The following TMEM41B variants were observed in gnomAD, a reference collection of about 807,000 sequenced individuals.
The protein encoded by TMEM41B is transmembrane protein 41B.
Under a neutral mutation model 31.9 loss-of-function variants are expected in TMEM41B, and 18 were observed. The ratio of observed to expected loss-of-function variants is 0.56; its 90% CI spans 0.39 to 0.84. The LOEUF is 0.84. Among genes scored for constraint, TMEM41B ranks in the 40% least tolerant of loss-of-function variants. The probability of loss-of-function intolerance (pLI) is 0.00; values close to 1 mark genes in which losing one functional copy is unlikely to be tolerated. For synonymous variants in TMEM41B, 144 were observed against 124.3 expected, an observed-to-expected ratio of 1.16 and a Z score of -1.05; for missense variants, 322 against 348.0, an observed-to-expected ratio of 0.93 and a Z score of 0.59.
At chr11:9,308,811 T>TAATCAGTG (rs1190110400) in intron 1 of TMEM41B, among the ~76,000 whole-genome samples, 3 of 152,190 alleles carry the variant, frequency 2.0e-5, no homozygotes, top group African/African-American at 7.2e-5. Context: ...TGAGGCAATC[T>TAATCAGTG]AATCAGTGAA....
chr11:9,288,302 C>T (rs1299463946), intron 4 of TMEM41B, 140 bp downstream of exon 4: 4 of 593,344 alleles, frequency 6.7e-6, no homozygotes, highest in Admixed American at 3.7e-5. Flanking sequence ...TATAACACCT[C>T]CTTGTGGAGG....
intron 3 of TMEM41B, among the ~76,000 whole-genome samples, chr11:9,290,488 A>G (rs1010185745): frequency 6.6e-6 from 1 of 152,180 alleles, no homozygotes; most frequent in African/African-American, 2.4e-5. Context: ...AACGTGGCAC[A>G]CATATACGTA....
chr11:9,311,988 A>G (rs993936520), intron 1 of TMEM41B, among the ~76,000 whole-genome samples: 9 of 152,226 alleles, frequency 5.9e-5, no homozygotes, highest in African/African-American at 1.7e-4. Flanking sequence ...TCAAAGTTAT[A>G]TATGTGTCAC....
At position 9,283,353 on chromosome 11, in the gene TMEM41B, A is replaced by C; in HGVS notation, c.*71T>G. On this transcript the variant is annotated 3_prime_UTR_variant, in exon 7 of 7. Transcript: ENST00000528080. Reference sequence around the variant, plus strand: ...TTTAATTACTGAAGAGGTGATTTTAAAACATAAATGGATGCACCTGTTAAT... The same window carrying C: ...TTTAATTACTGAAGAGGTGATTTTACAACATAAATGGATGCACCTGTTAAT... 8.0e-7 allele frequency: 1 copy of C among 1,255,120 alleles called. No homozygotes were observed. The highest frequency in any genetic ancestry group is 1.1e-6 in the Non-Finnish European group (1 of 908,824). 77.7% of individuals were successfully genotyped at this position (1,255,120 alleles called of 1,614,324 possible).
chr11:9,295,362 G>A lies in TMEM41B; in HGVS notation c.265C>T (p.Pro89Ser). The change falls in exon 3 of 7, where the codon CCC becomes TCC. Residue 89 changes from proline to serine, a missense_variant. This residue lies in a region of TMEM41B where 183 missense variants were observed against 175.3 expected (regional missense o/e 1.04). Coordinates refer to ENST00000528080, the MANE Select transcript of TMEM41B (RefSeq NM_015012.4). Reference sequence around the variant, plus strand: ...GCCTTGGCATCATCCATATCTCTGGGAACCTTCATATTCACTCTTTCTTCT... The same window carrying A: ...GCCTTGGCATCATCCATATCTCTGGAAACCTTCATATTCACTCTTTCTTCT... ...SEEERVNMKV[P>S]RDMDDAKALG... is the part of the protein sequence containing the mutation. The A allele has an allele frequency of 6.3e-7, 1 of 1,589,452 alleles. No homozygotes were observed. The highest frequency in any genetic ancestry group is 8.5e-7 in the Non-Finnish European group (1 of 1,169,688).
intron 1 of TMEM41B, chr11:9,311,244 T>A: frequency 6.7e-7 from 1 of 1,491,296 alleles, no homozygotes. Context: ...AGAGCAGAAC[T>A]GGTGAGACTT....
At chr11:9,291,568 ATTTTT>A (rs1312615801) in intron 3 of TMEM41B, among the ~76,000 whole-genome samples, 1 of 150,672 alleles carries the variant, frequency 6.6e-6, no homozygotes, top group Non-Finnish European at 1.5e-5. Flanking sequence ...CGCCCAGCTA[ATTTTT>A]TTTATTTTTA....
intron 1 of TMEM41B, among the ~76,000 whole-genome samples, chr11:9,301,346 G>C (rs1853253287): frequency 6.6e-6 from 1 of 152,128 alleles, no homozygotes; most frequent in Non-Finnish European, 1.5e-5. Context: ...AGTGAGCCAA[G>C]ATCGCACCAC....
Position 9,287,766 on chromosome 11 carries a change from T to C in TMEM41B, c.503A>G (p.Tyr168Cys), listed in dbSNP as rs1292886388. ...LGASFCYMLS[Y>C]LVGRPVVYKY... ...GTATACAACTGGTCTCCCAACTAAA[T>C]AGGAAAGCATATAACAGAAAGAGGC... Residue 168 changes from tyrosine to cysteine, a missense_variant, in exon 5 of 7, where the codon TAT becomes TGT. Tyr to Cys is a radical substitution (Grantham distance 194). Around this residue, in one of 3 missense-constraint regions of TMEM41B, gnomAD observed 47 missense variants for 84.8 expected, o/e 0.55. Coordinates refer to ENST00000528080, the MANE Select transcript of TMEM41B (RefSeq NM_015012.4). The C allele has an allele frequency of 1.9e-6, 3 of 1,613,576 alleles. No individual in the cohort carries two copies. The highest frequency in any genetic ancestry group is 1.7e-4 in the Middle Eastern group (1 of 6,060).
chr11:9,283,739 T>C, intron 6 of TMEM41B, 146 bp from the exon 7 acceptor site: 1 of 686,722 alleles, frequency 1.5e-6, no homozygotes, highest in Non-Finnish European at 2.3e-6. Flanking sequence ...TCAAGTTTAT[T>C]TCCATATAAA....
intron 3 of TMEM41B, among the ~76,000 whole-genome samples, chr11:9,291,587 C>T (rs778588777): frequency 6.6e-6 from 1 of 151,466 alleles, no homozygotes; most frequent in African/African-American, 2.4e-5. Flanking sequence ...ATTTTTAGTA[C>T]AGACAGGTTT....
chr11:9,310,635 A>C (rs1328178996), intron 1 of TMEM41B, among the ~76,000 whole-genome samples: 1 of 150,634 alleles, frequency 6.6e-6, no homozygotes, highest in East Asian at 2.0e-4. Flanking sequence ...GTCACCTTCA[A>C]ACCGATTAGG....
At chr11:9,287,319 A>G (rs933485044) in intron 5 of TMEM41B, among the ~76,000 whole-genome samples, 1 of 152,182 alleles carries the variant, frequency 6.6e-6, no homozygotes, top group Non-Finnish European at 1.5e-5. Flanking sequence ...TCAAAAAAAG[A>G]AAAGAAAAAA....
rs770489280 is a variant in TMEM41B, at chr11:9,314,305, C to T, written c.121+16G>A. 4 of 1,595,150 alleles carry T rather than the reference C, an allele frequency of 2.5e-6. No homozygotes were observed. In the South Asian group the frequency reaches 4.4e-5, roughly 18 times the overall value. On this transcript the variant is annotated intron_variant, in intron 1 of 6. Transcript: ENST00000528080. ...GCCTCGGGCCACCCCCAGCTCTGCTCCCCGGGCCCACTCACCCTTCTGGTG... is the reference window on the plus strand; with the variant it reads ...GCCTCGGGCCACCCCCAGCTCTGCTTCCCGGGCCCACTCACCCTTCTGGTG...
chr11:9,284,962 T>A lies in TMEM41B; in HGVS notation c.707-1369A>T, dbSNP rs548053165. On this transcript the variant is annotated intron_variant, in intron 6 of 6. Coordinates refer to ENST00000528080, the MANE Select transcript of TMEM41B (RefSeq NM_015012.4). ...AAATCTCTGGCTTTCACCTATAAAA[T>A]GGAGATAGAAACAAAAATTCTCTCT... is the stretch of plus-strand genomic sequence containing the variant. 2.6e-5 allele frequency among the ~76,000 whole-genome samples: 4 copies of A among 152,198 alleles called. No homozygotes were observed. In the East Asian group the frequency reaches 7.7e-4, roughly 29 times the overall value.
chr11:9,294,053 TGCCTGTGGTTCCA>T (rs1853018522), intron 3 of TMEM41B, among the ~76,000 whole-genome samples: 2 of 150,876 alleles, frequency 1.3e-5, no homozygotes, highest in African/African-American at 4.9e-5. Flanking sequence ...TAACTGGGTG[TGCCTGTGGTTCCA>T]GCTACTCGGG....
chr11:9,287,676 C>T, intron 5 of TMEM41B, 26 bp downstream of exon 5: 1 of 1,523,668 alleles, frequency 6.6e-7, no homozygotes, highest in Non-Finnish European at 9.0e-7. Context: ...AGAGTTACAT[C>T]AAATAATTTA....
intron 3 of TMEM41B, 48 bp downstream of exon 3, chr11:9,295,211 C>T: frequency 6.9e-7 from 1 of 1,441,572 alleles, no homozygotes; most frequent in Non-Finnish European, 9.3e-7. Flanking sequence ...ACCTTTTACA[C>T]TTTTTCTTGA....
intron 1 of TMEM41B, among the ~76,000 whole-genome samples, chr11:9,312,903 CAAA>C (rs36030741): frequency 5.2e-5 from 5 of 95,302 alleles, no homozygotes; most frequent in Admixed American, 1.2e-4. Context: ...GACTCCGTCT[CAAA>C]AAAAAAAAAA....
Sources: allele counts gnomAD v4.1 joint callset (sites outside exome capture counted in the v4.1 genomes callset), GRCh38; gene constraint gnomAD v4.1.1; regional missense constraint gnomAD v4.1.1; transcripts MANE v1.5; gene names NCBI Gene and HGNC (gene_info 2026-07-23, HGNC 2026-07-21).